SART3: variants seen among roughly 807,000 people sequenced by gnomAD.
The protein encoded by SART3 is spliceosome associated factor 3, U4/U6 recycling protein.
SART3 carries 44 observed loss-of-function variants against 122.3 expected under a neutral mutation model. That is an observed-to-expected ratio of 0.36 (90% CI 0.28 to 0.46). The LOEUF (loss-of-function observed/expected upper bound fraction) is 0.46, where lower values mean the gene tolerates loss of function less well. Ranked by LOEUF, SART3 falls within the 20% of genes least tolerant of loss-of-function variation. The pLI, the probability that SART3 is intolerant of heterozygous loss-of-function variation, is 1.00. For synonymous variants in SART3, 442 were observed against 454.0 expected (o/e 0.97, Z 0.34); for missense variants, 1,101 against 1,229.0 (o/e 0.90, Z 1.56).
chr12:108,542,671 A>G, intron 6 of SART3: 1 of 350,748 alleles, frequency 2.9e-6, no homozygotes, highest in East Asian at 7.3e-5. Context: ...AAAAGCAAGC[A>G]AAATTAAACA....
chr12:108,522,533 G>C lies in SART3; in HGVS notation c.*924C>G, dbSNP rs992431730. Reference sequence around the variant, plus strand: ...CAGTGTCAAACTGCTATAAAATGAAGACACATCACAGCTGGAATAATTTAA... The same window carrying C: ...CAGTGTCAAACTGCTATAAAATGAACACACATCACAGCTGGAATAATTTAA... On this transcript the variant is annotated 3_prime_UTR_variant, in exon 19 of 19. Coordinates refer to ENST00000546815, the MANE Select transcript of SART3 (RefSeq NM_014706.4). The C allele has an allele frequency of 2.0e-5, 3 of 152,172 alleles. No homozygotes were observed. Among genetic ancestry groups the C allele is most frequent in the Non-Finnish European group, 4.4e-5 (3 of 68,014 alleles). 9.4% of individuals were successfully genotyped at this position (152,172 alleles called of 1,614,324 possible). A position where few individuals can be genotyped will look rare whatever the true frequency, so the allele number is the denominator to read the frequency against.
At chr12:108,548,302 C>T (rs1565865865) in intron 2 of SART3, among the ~76,000 whole-genome samples, 2 of 152,234 alleles carry the variant, frequency 1.3e-5, no homozygotes, top group South Asian at 4.1e-4. Context: ...TGACATCTAT[C>T]TAAGGATGAC....
At chr12:108,524,073 T>A in intron 18 of SART3, 1 of 588,116 alleles carries the variant, frequency 1.7e-6, no homozygotes, top group Non-Finnish European at 3.0e-6. Context: ...ACTGCCTTAT[T>A]TCTGTCTGAA....
chr12:108,549,009 C>CATGT (rs1565866113), intron 2 of SART3, 79 bp downstream of exon 2: 37 of 1,592,954 alleles, frequency 2.3e-5, no homozygotes, highest in Non-Finnish European at 3.2e-5. Context: ...CTACAAGGAG[C>CATGT]ATGTCCCACT....
chr12:108,560,867 C>T lies in SART3; in HGVS notation c.288G>A (p.Leu96=), dbSNP rs2030501305. Residue 96 remains leucine (L), a synonymous_variant, in exon 1 of 19, where the codon CTG becomes CTA. Transcript: ENST00000546815. Reference sequence around the variant, plus strand: ...CCTGCTCCTCCAGTCTCTCAATCTCCAGCTGGTTTTTCTCCTCCTCTTCGT... The same window carrying T: ...CCTGCTCCTCCAGTCTCTCAATCTCTAGCTGGTTTTTCTCCTCCTCTTCGT... The part of the protein sequence containing the change: ...EYDEEEEKNQ[L]EIERLEEQLS... 3.1e-6 allele frequency: 5 copies of T among 1,601,370 alleles called. No homozygotes were observed. Among genetic ancestry groups the T allele is most frequent in the Middle Eastern group, 1.7e-4 (1 of 6,012 alleles).
intron 1 of SART3, among the ~76,000 whole-genome samples, chr12:108,555,140 A>G (rs1317922214): frequency 3.3e-5 from 5 of 152,206 alleles, no homozygotes; most frequent in Non-Finnish European, 7.3e-5. Context: ...CTTCACAACA[A>G]TGTGACTATA....
At chr12:108,548,900 T>C (rs961094947) in intron 2 of SART3, among the ~76,000 whole-genome samples, 188 bp downstream of exon 2, 2 of 152,248 alleles carry the variant, frequency 1.3e-5, no homozygotes, top group Non-Finnish European at 2.9e-5. Flanking sequence ...ATCCGTGTTA[T>C]ATGATCATAA....
chr12:108,559,664 CAAAAAAAAAA>C (rs35159668), intron 1 of SART3, among the ~76,000 whole-genome samples: 5 of 79,760 alleles, frequency 6.3e-5, no homozygotes, highest in East Asian at 7.5e-4. Flanking sequence ...GACTCTGTCT[CAAAAAAAAAA>C]AAAAAAAAAA....
chr12:108,523,732 A>C, intron 18 of SART3, 98 bp from the exon 19 acceptor site: 2 of 1,033,036 alleles, frequency 1.9e-6, no homozygotes, highest in Non-Finnish European at 2.9e-6. Flanking sequence ...TATAACCAGA[A>C]GTTAAAAGGT....
At chr12:108,532,905 C>A (rs1373681967) in intron 12 of SART3, among the ~76,000 whole-genome samples, 1 of 152,144 alleles carries the variant, frequency 6.6e-6, no homozygotes, top group Non-Finnish European at 1.5e-5. Context: ...AGGTGCCCAC[C>A]ACTACACCCA....
Position 108,523,524 on chromosome 12 carries a change from G to A in SART3, c.2825C>T (p.Ala942Val). 2 of 1,613,664 alleles carry A rather than the reference G, an allele frequency of 1.2e-6. No individual in the cohort carries two copies. The highest frequency in any genetic ancestry group is 2.2e-5 in the South Asian group (2 of 91,060). The stretch of plus-strand genomic sequence containing the variant: ...CTTGGGTGCCTCGGTGGCTGCTGGG[G>A]CGGCAACTGCAGGAGCCGCGGCAGG... ...NGPAAAPAVA[A>V]PAATEAPKMS... The change falls in exon 19 of 19, where the codon GCC (alanine) becomes GTC (valine). Residue 942 changes from alanine (A) to valine (V), a missense_variant. Transcript: ENST00000546815.
intron 1 of SART3, among the ~76,000 whole-genome samples, chr12:108,550,598 C>G (rs1236285988): frequency 1.3e-5 from 2 of 152,144 alleles, no homozygotes; most frequent in Non-Finnish European, 2.9e-5. Context: ...CATGGTGGCT[C>G]ACACCTGTAA....
At chr12:108,524,955 T>C (rs544238326) in intron 17 of SART3, 3 of 289,720 alleles carry the variant, frequency 1.0e-5, no homozygotes, top group South Asian at 7.2e-5. Flanking sequence ...GGAGGGAGAG[T>C]GGGCAGTGGG....
chr12:108,549,284 G>T (rs2029894728), intron 1 of SART3, 70 bp from the exon 2 acceptor site: 1 of 1,522,202 alleles, frequency 6.6e-7, no homozygotes, highest in Non-Finnish European at 9.1e-7. Flanking sequence ...GTCACTACTG[G>T]TAACTACACA....
At chr12:108,548,785 T>G (rs1873548364) in intron 2 of SART3, among the ~76,000 whole-genome samples, 2 of 152,180 alleles carry the variant, frequency 1.3e-5, no homozygotes, top group Non-Finnish European at 2.9e-5. Flanking sequence ...AAGAGAATGG[T>G]TTAAATACAT....
Position 108,523,360 on chromosome 12 carries a change from G to A in SART3, c.*97C>T, listed in dbSNP as rs970240669. The A allele has an allele frequency of 1.9e-5, 25 of 1,311,420 alleles. No homozygotes were observed. Among genetic ancestry groups the A allele is most frequent in the African/African-American group, 2.9e-5 (2 of 68,836 alleles). The allele number at this position is 1,311,420 out of a possible 1,614,324, so 81.2% of individuals were successfully genotyped here. A position where few individuals can be genotyped will look rare whatever the true frequency, so the allele number is the denominator to read the frequency against. Reference sequence around the variant, plus strand: ...AGCCATCTGTGGTTGCGAGCACGCAGCACACCAGGCCTGTCCATCCCCAGT... The same window carrying A: ...AGCCATCTGTGGTTGCGAGCACGCAACACACCAGGCCTGTCCATCCCCAGT... On this transcript the variant is annotated 3_prime_UTR_variant, in exon 19 of 19. Transcript: ENST00000546815.
chr12:108,538,454 T>C (rs954150562), intron 7 of SART3, among the ~76,000 whole-genome samples: 5 of 152,208 alleles, frequency 3.3e-5, no homozygotes, highest in Non-Finnish European at 2.9e-5. Context: ...GATCCTTTTA[T>C]ACAGACACAC....
At chr12:108,553,418 A>T (rs1433812074) in intron 1 of SART3, among the ~76,000 whole-genome samples, 2 of 152,226 alleles carry the variant, frequency 1.3e-5, no homozygotes, top group African/African-American at 4.8e-5. Flanking sequence ...GTGCATGGAA[A>T]TCTACAATTA....
intron 7 of SART3, 76 bp downstream of exon 7, chr12:108,538,858 A>T: frequency 6.3e-7 from 1 of 1,580,136 alleles, no homozygotes. Flanking sequence ...TATGCAACAA[A>T]CTCCTGGCAC....
Sources: gnomAD v4.1 joint callset for allele counts (sites outside exome capture counted in the v4.1 genomes callset) on GRCh38, gnomAD v4.1.1 for gene constraint, MANE v1.5 for transcripts, NCBI Gene and HGNC (gene_info 2026-07-23, HGNC 2026-07-21) for gene names.